Variants in ANXA4 observed in about 807,000 individuals in gnomAD.
ANXA4 encodes annexin A4, also known as 35-beta calcimedin.
Under a neutral mutation model 49.8 loss-of-function variants are expected in ANXA4, and 39 were observed. That is an observed-to-expected ratio of 0.78 (90% CI 0.61 to 1.02). ANXA4 has a LOEUF of 1.02. ANXA4 is among the 50% of genes least tolerant of loss of function. The probability of loss-of-function intolerance (pLI) is 0.00; values close to 1 mark genes in which losing one functional copy is unlikely to be tolerated. For missense variants in ANXA4, 360 were observed against 410.1 expected, an observed-to-expected ratio of 0.88 and a Z score of 1.05; for synonymous variants, 134 against 152.5, an observed-to-expected ratio of 0.88 and a Z score of 0.89.
chr2:69,664,763 C>T (rs1559056602), intron 2 of ANXA4, among the ~76,000 whole-genome samples: 1 of 152,148 alleles, frequency 6.6e-6, no homozygotes, highest in East Asian at 1.9e-4. Context: ...TCCCCTTGAA[C>T]CCAGGTAGGC....
intron 3 of ANXA4, among the ~76,000 whole-genome samples, chr2:69,797,782 G>A (rs1253888104): frequency 1.3e-5 from 2 of 152,230 alleles, no homozygotes; most frequent in Non-Finnish European, 2.9e-5. Context: ...GCTGCTGAAA[G>A]CAGAGTTCTC....
At chr2:69,684,844 G>A (rs1677729839) in intron 2 of ANXA4, among the ~76,000 whole-genome samples, 1 of 152,086 alleles carries the variant, frequency 6.6e-6, no homozygotes, top group East Asian at 1.9e-4. Flanking sequence ...TTATCAGTAA[G>A]GTGAGGAGAA....
In ANXA4 at chr2:69,731,980, C is replaced by CTTTTTTTTTT. The variant is rs11425067; in HGVS notation, n.864+11118_864+11127dup. 1.9e-4 allele frequency among the ~76,000 whole-genome samples: 23 copies of CTTTTTTTTTT among 120,126 alleles called. 1 individual carries two copies. Among genetic ancestry groups the CTTTTTTTTTT allele is most frequent in the Non-Finnish European group, 2.5e-4 (15 of 60,070 alleles). 78.8% of individuals were successfully genotyped at this position (120,126 alleles called of 152,430 possible). A position where few individuals can be genotyped will look rare whatever the true frequency, so the allele number is the denominator to read the frequency against. On this transcript the variant is annotated intron_variant and non_coding_transcript_variant, in intron 3 of 3. Transcript: ENST00000418066. ...TTCTTAGTTACATTTTCTTTTCTTT[C>CTTTTTTTTTT]TTTTTTTTTTTTTTTTTTGAGATGG... is the stretch of plus-strand genomic sequence containing the variant.
At chr2:69,670,439 A>C (rs957081269) in intron 2 of ANXA4, among the ~76,000 whole-genome samples, 1 of 119,082 alleles carries the variant, frequency 8.4e-6, no homozygotes, top group African/African-American at 3.4e-5. Context: ...ACTCAATCTC[A>C]AAAAAAAAAA....
At chr2:69,698,437 C>T (rs1393193866) in intron 2 of ANXA4, among the ~76,000 whole-genome samples, 3 of 152,288 alleles carry the variant, frequency 2.0e-5, no homozygotes, top group Admixed American at 6.5e-5. Context: ...GCCTCTTCCC[C>T]CGACATCTCC....
Position 69,810,607 on chromosome 2 carries a change from C to T in ANXA4, c.411C>T (p.Ser137=). ...SQTYQQQYGR[S]LEDDIRSDTS... The stretch of plus-strand genomic sequence containing the variant: ...CTCTCTTGCTAGAATATGGACGGAG[C>T]CTTGAAGATGACATTCGCTCTGACA... Residue 137 remains serine (S), a synonymous_variant, in exon 7 of 13, where the codon AGC becomes AGT. Coordinates refer to ENST00000394295, the MANE Select transcript of ANXA4 (RefSeq NM_001153.5). 1.2e-6 allele frequency: 2 copies of T among 1,613,846 alleles called. No individual in the cohort carries two copies. The highest frequency in any genetic ancestry group is 1.7e-5 in the Admixed American group (1 of 60,006).
rs1370912402 is a variant in ANXA4, at chr2:69,647,889, A to G, written n.481+2984A>G. On this transcript the variant is annotated intron_variant and non_coding_transcript_variant, in intron 1 of 3. Transcript: ENST00000418066. The stretch of plus-strand genomic sequence containing the variant: ...TTTTATTTAATCTTCATGGTTGCCT[A>G]CAAAGTAGACAGTATTATCTATTTT... Among the ~76,000 whole-genome samples, 4 of 152,186 alleles carry G rather than the reference A, an allele frequency of 2.6e-5. No individual in the cohort carries two copies. In the East Asian group the frequency reaches 7.7e-4, roughly 29 times the overall value.
intron 3 of ANXA4, among the ~76,000 whole-genome samples, chr2:69,734,817 G>A (rs542948791): frequency 6.6e-6 from 1 of 152,176 alleles, no homozygotes; most frequent in Non-Finnish European, 1.5e-5. Flanking sequence ...CCCTCTAGTA[G>A]TGTCAACTTG....
At chr2:69,667,442 G>A (rs994841051) in intron 2 of ANXA4, among the ~76,000 whole-genome samples, 2 of 150,756 alleles carry the variant, frequency 1.3e-5, no homozygotes, top group African/African-American at 4.9e-5. Context: ...TTATGACCTC[G>A]GCACATTACC....
chr2:69,687,345 A>C (rs1677825831), intron 2 of ANXA4, among the ~76,000 whole-genome samples: 1 of 152,086 alleles, frequency 6.6e-6, no homozygotes, highest in African/African-American at 2.4e-5. Context: ...TCTACTAAAA[A>C]CAAATAAAAA....
In ANXA4 at chr2:69,726,497, G is replaced by A. The variant is rs1277918345; in HGVS notation, n.864+5626G>A. 5.3e-5 allele frequency among the ~76,000 whole-genome samples: 8 copies of A among 152,202 alleles called. No individual in the cohort carries two copies. In the South Asian group the frequency reaches 6.2e-4, roughly 12 times the overall value. ...TATGCTAGAAAAATGCGATGATTTC[G>A]CCTAAAAGATTGACTTCTTTAATAT... On this transcript the variant is annotated intron_variant and non_coding_transcript_variant, in intron 3 of 3. Coordinates refer to the ANXA4 transcript ENST00000418066.
chr2:69,787,168 T>C (rs144510559), intron 2 of ANXA4, among the ~76,000 whole-genome samples: 2 of 152,360 alleles, frequency 1.3e-5, no homozygotes, highest in East Asian at 3.9e-4. Context: ...ATGCCATTCT[T>C]ATACCTAAAA....
intron 2 of ANXA4, among the ~76,000 whole-genome samples, chr2:69,693,923 C>T (rs1435668677): frequency 6.6e-6 from 1 of 152,004 alleles, no homozygotes; most frequent in Non-Finnish European, 1.5e-5. Flanking sequence ...GGTTGCACAC[C>T]CATGAAGCTG....
At chr2:69,702,003 C>G (rs904911598) in intron 2 of ANXA4, among the ~76,000 whole-genome samples, 7 of 151,958 alleles carry the variant, frequency 4.6e-5, no homozygotes, top group African/African-American at 1.5e-4. Context: ...TTGCTGTTTA[C>G]TTTTTATTTT....
chr2:69,711,475 A>G (rs186256287), intron 2 of ANXA4, among the ~76,000 whole-genome samples: 79 of 152,370 alleles, frequency 5.2e-4, no homozygotes, highest in African/African-American at 1.8e-3. Flanking sequence ...ATCCATTTAT[A>G]TGATATTTTA....
upstream of ANXA4, among the ~76,000 whole-genome samples, chr2:69,741,231 G>T (rs1670386310): frequency 6.6e-6 from 1 of 152,190 alleles, no homozygotes; most frequent in Non-Finnish European, 1.5e-5. Context: ...TAAAAAAACT[G>T]AATTTGCCTA....
At chr2:69,724,196 C>T (rs1280114846) in intron 3 of ANXA4, among the ~76,000 whole-genome samples, 1 of 152,210 alleles carries the variant, frequency 6.6e-6, no homozygotes, top group East Asian at 1.9e-4. Context: ...CTTAAGGATA[C>T]ATTTGAGGGT....
intron 3 of ANXA4, among the ~76,000 whole-genome samples, chr2:69,732,117 A>G (rs1670119078): frequency 1.3e-5 from 2 of 151,054 alleles, no homozygotes; most frequent in Non-Finnish European, 2.9e-5. Context: ...AGCTGGGACT[A>G]CAGGCGCCCG....
intron 4 of ANXA4, among the ~76,000 whole-genome samples, chr2:69,805,174 G>T (rs1000093660): frequency 6.6e-6 from 1 of 151,030 alleles, no homozygotes; most frequent in Non-Finnish European, 1.5e-5. Flanking sequence ...TTTAGAATTT[G>T]GTCCATTTTC....
Sources: gnomAD v4.1 joint callset for allele counts (sites outside exome capture counted in the v4.1 genomes callset) on GRCh38, gnomAD v4.1.1 for gene constraint, MANE v1.5 for transcripts, NCBI Gene and HGNC (gene_info 2026-07-23, HGNC 2026-07-21) for gene names.